VPS35L: variants seen among roughly 807,000 people sequenced by gnomAD.
VPS35L encodes the protein VPS35 endosomal protein sorting factor like, also known as VPS35 endosomal protein-sorting factor-like.
In VPS35L, 83 loss-of-function variants were observed where a neutral mutation model predicts 133.0. The observed-to-expected ratio is 0.62, with a 90% CI of 0.52 to 0.75. The LOEUF is 0.75. Among genes scored for constraint, VPS35L ranks in the 30% least tolerant of loss-of-function variants. VPS35L has a pLI of 0.00. For missense variants in VPS35L, 1,083 were observed against 1,206.8 expected, an observed-to-expected ratio of 0.90 and a Z score of 1.52; for synonymous variants, 423 against 449.9, an observed-to-expected ratio of 0.94 and a Z score of 0.76.
intron 7 of VPS35L, 21 bp from the exon 8 acceptor site, chr16:19,591,769 T>A: frequency 6.3e-7 from 1 of 1,579,200 alleles, no homozygotes; most frequent in Non-Finnish European, 8.7e-7. Flanking sequence ...GTGAATTTTC[T>A]CTTTTTTTCT....
chr16:19,616,236 T>C lies in VPS35L; in HGVS notation c.1101+45T>C, dbSNP rs756631618. 4.3e-5 allele frequency: 65 copies of C among 1,519,344 alleles called. No individual in the cohort carries two copies. In the South Asian group the frequency reaches 5.4e-4, roughly 13 times the overall value. 94.1% of individuals were successfully genotyped at this position (1,519,344 alleles called of 1,614,324 possible). A position where few individuals can be genotyped will look rare whatever the true frequency, so the allele number is the denominator to read the frequency against. ...ATAGCTCATCGATATAACAGTTCTA[T>C]GATAGCAAATTCACAAAACCCAGTT... On this transcript the variant is annotated intron_variant, in intron 13 of 30. Coordinates refer to ENST00000417362, the MANE Select transcript of VPS35L (RefSeq NM_020314.7).
At chr16:19,653,245 C>T (rs1436986105) in intron 26 of VPS35L, among the ~76,000 whole-genome samples, 2 of 152,200 alleles carry the variant, frequency 1.3e-5, no homozygotes, top group South Asian at 2.1e-4. Context: ...GCAGGACACC[C>T]TGGTTACCTA....
At position 19,656,948 on chromosome 16, in the gene VPS35L, G is replaced by A. The variant is rs73537561; in HGVS notation, c.2221+4858G>A. Among the ~76,000 whole-genome samples the A allele has an allele frequency of 6.0e-3, 894 of 149,948 alleles. 10 individuals are homozygous for A. Among genetic ancestry groups the A allele is most frequent in the African/African-American group, 0.02 (834 of 40,840 alleles). ...GATAGAACAATTAAAGAGAGATAGT[G>A]GTCAAAAGAACTTGTTTTTTTTTTT... is the stretch of plus-strand genomic sequence containing the variant. On this transcript the variant is annotated intron_variant, in intron 26 of 30. Transcript: ENST00000417362.
At chr16:19,556,611 C>T (rs899061132) in intron 1 of VPS35L, among the ~76,000 whole-genome samples, 1 of 152,212 alleles carries the variant, frequency 6.6e-6, no homozygotes, top group Non-Finnish European at 1.5e-5. Context: ...AATTTACTTT[C>T]TCTTCAAATG....
At chr16:19,616,855 A>T (rs1046498160) in intron 14 of VPS35L, 47 bp downstream of exon 14, 2 of 1,613,390 alleles carry the variant, frequency 1.2e-6, no homozygotes, top group African/African-American at 2.7e-5. Flanking sequence ...CTGTATGGTG[A>T]CAGCCCCTGC....
intron 14 of VPS35L, among the ~76,000 whole-genome samples, chr16:19,625,074 T>TA (rs34264684): frequency 0.031 from 4,563 of 148,430 alleles, 129 homozygotes; most frequent in African/African-American, 0.077. Context: ...TCCAATGAGT[T>TA]AAAAAAAAAA....
At chr16:19,652,335 T>G in intron 26 of VPS35L, 1 of 337,894 alleles carries the variant, frequency 3.0e-6, no homozygotes. Context: ...AGCTAATGTT[T>G]TTATTTTTAT....
chr16:19,622,991 G>T (rs938230928), intron 14 of VPS35L, among the ~76,000 whole-genome samples: 1 of 152,120 alleles, frequency 6.6e-6, no homozygotes, highest in African/African-American at 2.4e-5. Context: ...TAGTAGCAAG[G>T]TGGGGGCAAC....
intron 20 of VPS35L, among the ~76,000 whole-genome samples, chr16:19,638,987 T>TGCAGGCTACTGGGTGCAG (rs1973703819): frequency 4.6e-5 from 7 of 152,122 alleles, no homozygotes; most frequent in African/African-American, 1.7e-4. Context: ...ATGCCTGTAG[T>TGCAGGCTACTGGGTGCAG]CCCAGCTACT....
At position 19,682,385 on chromosome 16, in the gene VPS35L, A is replaced by G. The variant is rs1438828008; in HGVS notation, c.2522A>G (p.Asp841Gly). ...CAGGAGACGTACCTTTACCACATAG[A>G]CAAAGGTAGCAGAGCCTCCCCCACC... ...MSQETYLYHI[D>G]KVDSNDSLYG... The change falls in exon 28 of 31, where the codon GAC becomes GGC. Residue 841 changes from aspartate (D) to glycine (G), a missense_variant. Coordinates refer to ENST00000417362, the MANE Select transcript of VPS35L (RefSeq NM_020314.7). The G allele has an allele frequency of 6.2e-7, 1 of 1,613,966 alleles. No individual in the cohort carries two copies. Among genetic ancestry groups the G allele is most frequent in the Admixed American group, 1.7e-5 (1 of 60,000 alleles).
intron 1 of VPS35L, 134 bp downstream of exon 1, chr16:19,555,880 C>T (rs1015127743): frequency 1.6e-6 from 2 of 1,287,172 alleles, no homozygotes; most frequent in South Asian, 3.1e-5. Context: ...GTTGTCTTGA[C>T]CGTAGAATCC....
Position 19,693,619 on chromosome 16 carries a change from A to G in VPS35L, c.2646+2148A>G, listed in dbSNP as rs185617142. Among the ~76,000 whole-genome samples, 69 of 152,226 alleles carry G rather than the reference A, an allele frequency of 4.5e-4. 1 individual carries two copies. The East Asian group carries it at 0.011, about 25-fold the overall frequency. ...AACATGGCAAAATCCCACCTCTACA[A>G]AAAATACAGAAAAAATTAGTTGGGT... On this transcript the variant is annotated intron_variant, in intron 29 of 30. Transcript: ENST00000417362.
At chr16:19,558,000 G>A (rs912301895) in intron 1 of VPS35L, among the ~76,000 whole-genome samples, 3 of 152,128 alleles carry the variant, frequency 2.0e-5, no homozygotes, top group Admixed American at 2.0e-4. Context: ...ATCCCAGGAG[G>A]CGGAGGTTGC....
Position 19,583,429 on chromosome 16 carries a change from G to A in VPS35L, c.639+1776G>A, listed in dbSNP as rs191236426. On this transcript the variant is annotated intron_variant, in intron 7 of 30. Coordinates refer to ENST00000417362, the MANE Select transcript of VPS35L (RefSeq NM_020314.7). ...GATAATAATTCTACATATTTATGGG[G>A]TACAGAGTGATATTTTGATACATGT... Among the ~76,000 whole-genome samples the A allele has an allele frequency of 3.4e-3, 522 of 152,188 alleles. 2 individuals are homozygous for A. The highest frequency in any genetic ancestry group is 6.8e-3 in the Middle Eastern group (2 of 294).
At chr16:19,648,250 C>G (rs1974015460) in intron 24 of VPS35L, among the ~76,000 whole-genome samples, 1 of 152,178 alleles carries the variant, frequency 6.6e-6, no homozygotes, top group Non-Finnish European at 1.5e-5. Context: ...CAGGAAAGAA[C>G]CACTGCGCCC....
At chr16:19,674,306 C>T (rs2151610095) in intron 27 of VPS35L, among the ~76,000 whole-genome samples, 1 of 148,376 alleles carries the variant, frequency 6.7e-6, no homozygotes, top group Non-Finnish European at 1.5e-5. Context: ...ATTCTCGTGC[C>T]TCAGTCTCCC....
chr16:19,574,906 T>G (rs1281052239), intron 4 of VPS35L, among the ~76,000 whole-genome samples, 192 bp from the exon 5 acceptor site: 3 of 152,162 alleles, frequency 2.0e-5, no homozygotes. Context: ...ATCAAAAATT[T>G]TAGTATTTGT....
intron 26 of VPS35L, chr16:19,652,411 C>A: frequency 4.7e-6 from 1 of 210,992 alleles, no homozygotes. Context: ...CTCAAATGTT[C>A]CTGCTTCCCA....
intron 4 of VPS35L, among the ~76,000 whole-genome samples, chr16:19,574,806 A>G (rs1301689418): frequency 1.3e-5 from 2 of 152,196 alleles, no homozygotes; most frequent in Non-Finnish European, 2.9e-5. Flanking sequence ...ACAAAAAGTT[A>G]TCTGGCCTCA....
Sources: allele counts gnomAD v4.1 joint callset (sites outside exome capture counted in the v4.1 genomes callset), GRCh38; gene constraint gnomAD v4.1.1; transcripts MANE v1.5; gene names NCBI Gene and HGNC (gene_info 2026-07-23, HGNC 2026-07-21).